UBE3D: variants seen among roughly 807,000 people sequenced by gnomAD.
UBE3D encodes the protein ubiquitin protein ligase E3D, also known as E3 ubiquitin-protein ligase E3D.
A neutral mutation model predicts 49.6 loss-of-function variants in UBE3D; 48 were observed. The ratio of observed to expected loss-of-function variants is 0.97; its 90% CI spans 0.77 to 1.23. UBE3D has a LOEUF of 1.23. UBE3D is among the 50% of genes most tolerant of loss of function. The pLI is 0.00. For synonymous variants in UBE3D, 189 were observed against 174.2 expected (o/e 1.08, Z -0.67); for missense variants, 452 against 468.4 (o/e 0.96, Z 0.32).
At chr6:83,041,430 T>C (rs140552496) in intron 4 of UBE3D, among the ~76,000 whole-genome samples, 2 of 152,340 alleles carry the variant, frequency 1.3e-5, no homozygotes, top group African/African-American at 4.8e-5. Context: ...TTTAAGACAA[T>C]TGATAAAATC....
intron 5 of UBE3D, chr6:83,037,717 T>C (rs1460165556): frequency 6.6e-6 from 1 of 152,256 alleles, no homozygotes; most frequent in Non-Finnish European, 1.5e-5. Flanking sequence ...CAGCATGTTG[T>C]AGTTCTCTAG....
At chr6:82,938,733 C>T (rs1415224187) in intron 9 of UBE3D, 15 of 152,066 alleles carry the variant, frequency 9.9e-5, no homozygotes, top group Admixed American at 9.8e-4. Flanking sequence ...CTTGAAATTC[C>T]CTATCATACA....
intron 8 of UBE3D, among the ~76,000 whole-genome samples, chr6:82,995,682 G>A (rs1216924974): frequency 6.6e-6 from 1 of 152,170 alleles, no homozygotes; most frequent in East Asian, 1.9e-4. Flanking sequence ...AAGCCTGATA[G>A]TATCAAGTAT....
At chr6:82,943,777 C>G (rs530508002) in intron 9 of UBE3D, among the ~76,000 whole-genome samples, 3 of 152,300 alleles carry the variant, frequency 2.0e-5, no homozygotes, top group Admixed American at 2.0e-4. Context: ...CATTCCCCCA[C>G]AGCACCTGCA....
chr6:82,889,064 T>A (rs1328893), downstream of UBE3D, among the ~76,000 whole-genome samples: 23 of 152,180 alleles, frequency 1.5e-4, no homozygotes, highest in Admixed American at 2.6e-4. Context: ...AGTGGTCTTG[T>A]GTATTTAAGA....
At chr6:83,012,506 A>C (rs144570389) in intron 8 of UBE3D, among the ~76,000 whole-genome samples, 208 of 152,288 alleles carry the variant, frequency 1.4e-3, no homozygotes, top group African/African-American at 4.7e-3. Flanking sequence ...TCATGGACCT[A>C]TTGGGCAATG....
intron 4 of UBE3D, among the ~76,000 whole-genome samples, chr6:83,041,226 C>A (rs1004285075): frequency 1.3e-5 from 2 of 152,054 alleles, no homozygotes; most frequent in East Asian, 1.9e-4. Flanking sequence ...TCCTTTGTAA[C>A]TGCCATCACA....
intron 3 of UBE3D, among the ~76,000 whole-genome samples, chr6:83,053,049 C>T (rs924930747): frequency 6.6e-5 from 10 of 152,240 alleles, no homozygotes; most frequent in African/African-American, 2.4e-4. Flanking sequence ...AGCTGACCCA[C>T]GTTAGAGCAT....
intron 9 of UBE3D, among the ~76,000 whole-genome samples, chr6:82,952,904 C>A (rs1233226923): frequency 6.6e-6 from 1 of 152,206 alleles, no homozygotes. Context: ...CTTCTAGTTG[C>A]AATAGGCCAG....
At chr6:82,972,309 C>A (rs1385134242) in intron 8 of UBE3D, among the ~76,000 whole-genome samples, 1 of 152,170 alleles carries the variant, frequency 6.6e-6, no homozygotes, top group Non-Finnish European at 1.5e-5. Context: ...TAAGGCCTGA[C>A]CAATCTTGGT....
the UBE3D span, among the ~76,000 whole-genome samples, chr6:82,882,762 A>G: frequency 6.6e-6 from 1 of 152,202 alleles, no homozygotes; most frequent in Non-Finnish European, 1.5e-5. Context: ...AACAGTTCCT[A>G]TAGCAATATA....
chr6:82,950,313 G>T (rs1247527750), intron 9 of UBE3D, among the ~76,000 whole-genome samples: 1 of 152,118 alleles, frequency 6.6e-6, no homozygotes, highest in Non-Finnish European at 1.5e-5. Flanking sequence ...ACTATAACAG[G>T]ATATCATCTC....
intron 4 of UBE3D, among the ~76,000 whole-genome samples, chr6:83,040,252 T>A (rs1782567654): frequency 6.6e-6 from 1 of 151,856 alleles, no homozygotes. Flanking sequence ...GGCGTCGTGG[T>A]GCGCGCTTGT....
chr6:82,916,303 TTCAATTA>T (rs1772910977), intron 9 of UBE3D, among the ~76,000 whole-genome samples: 1 of 152,188 alleles, frequency 6.6e-6, no homozygotes, highest in Non-Finnish European at 1.5e-5. Context: ...CTATGGCATT[TTCAATTA>T]TTAAATATAG....
the UBE3D span, among the ~76,000 whole-genome samples, chr6:82,884,652 T>C: frequency 1.3e-5 from 2 of 152,308 alleles, no homozygotes; most frequent in East Asian, 3.9e-4. Flanking sequence ...AAGTGCTCAC[T>C]TATCTGAAAT....
chr6:82,900,135 G>A (rs1771623423), intron 9 of UBE3D, among the ~76,000 whole-genome samples: 1 of 152,182 alleles, frequency 6.6e-6, no homozygotes, highest in South Asian at 2.1e-4. Flanking sequence ...GGCCTAGAGT[G>A]GTGTTTTGAA....
Position 83,065,796 on chromosome 6 carries a change from C to G in UBE3D, c.-78G>C, listed in dbSNP as rs762869580. The G allele has an allele frequency of 2.8e-6, 4 of 1,431,452 alleles. No individual in the cohort carries two copies. The highest frequency in any genetic ancestry group is 3.8e-6 in the Non-Finnish European group (4 of 1,042,930). 88.7% of individuals were successfully genotyped at this position (1,431,452 alleles called of 1,614,324 possible). A position where few individuals can be genotyped will look rare whatever the true frequency, so the allele number is the denominator to read the frequency against. ...GTCAACAGGACCAGGAGAGGTTCCA[C>G]GTGCGGACCAACCAGCGGCAGCCCC... On this transcript the variant is annotated 5_prime_UTR_variant, in exon 1 of 10. Coordinates refer to ENST00000369747, the MANE Select transcript of UBE3D (RefSeq NM_198920.3).
intron 9 of UBE3D, among the ~76,000 whole-genome samples, chr6:82,934,302 C>T (rs777408858): frequency 4.6e-5 from 7 of 152,114 alleles, no homozygotes; most frequent in Admixed American, 2.6e-4. Context: ...CAGCCTAAGG[C>T]GGTTCTTTAT....
At position 83,001,079 on chromosome 6, in the gene UBE3D, GGT is replaced by G. The variant is rs768495088; in HGVS notation, c.1010+17892_1010+17893del. 5.9e-5 allele frequency among the ~76,000 whole-genome samples: 9 copies of G among 152,138 alleles called. No individual in the cohort carries two copies. In the South Asian group the frequency reaches 6.2e-4, roughly 10 times the overall value. ...GGCTGGTCTCGAACTCCCTACCTCAGGTGATCTGCCAGCGTTGGCTTCCCAAA... is the reference window on the plus strand; with the variant it reads ...GGCTGGTCTCGAACTCCCTACCTCAGGATCTGCCAGCGTTGGCTTCCCAAA... On this transcript the variant is annotated intron_variant, in intron 8 of 9. Coordinates refer to ENST00000369747, the MANE Select transcript of UBE3D (RefSeq NM_198920.3).
Sources: allele counts gnomAD v4.1 joint callset (sites outside exome capture counted in the v4.1 genomes callset), GRCh38; gene constraint gnomAD v4.1.1; transcripts MANE v1.5; gene names NCBI Gene and HGNC (gene_info 2026-07-23, HGNC 2026-07-21).